Variants in TERT observed in about 807,000 individuals in gnomAD.
The protein encoded by TERT is telomerase catalytic subunit.
TERT carries 42 observed loss-of-function variants against 104.0 expected under a neutral mutation model. The observed-to-expected ratio is 0.40, with a 90% CI of 0.32 to 0.52. The LOEUF (loss-of-function observed/expected upper bound fraction) is 0.52. TERT is among the 20% of genes least tolerant of loss of function. TERT has a pLI of 0.43. For missense variants in TERT, 1,101 were observed against 1,610.3 expected, an observed-to-expected ratio of 0.68 and a Z score of 5.41; for synonymous variants, 781 against 725.6, an observed-to-expected ratio of 1.08 and a Z score of -1.23.
At chr5:1,272,439 G>A (rs1277818876) in intron 6 of TERT, among the ~76,000 whole-genome samples, 159 bp from the exon 7 acceptor site, 3 of 151,986 alleles carry the variant, frequency 2.0e-5, no homozygotes, top group African/African-American at 4.8e-5. Context: ...GGAAACGGGG[G>A]CCGGGGGGCC....
intron 6 of TERT, among the ~76,000 whole-genome samples, chr5:1,277,524 G>C (rs1454231564): frequency 6.6e-6 from 1 of 151,588 alleles, no homozygotes; most frequent in Non-Finnish European, 1.5e-5. Context: ...CTCACATGGA[G>C]ACCGGGAGAG....
In TERT at chr5:1,292,098, T is replaced by C. The variant is rs1339017579; in HGVS notation, c.1573+1215A>G. 6.6e-6 allele frequency among the ~76,000 whole-genome samples: 1 copy of C among 151,992 alleles called. No individual in the cohort carries two copies. The highest frequency in any genetic ancestry group is 1.5e-5 in the Non-Finnish European group (1 of 68,002). On this transcript the variant is annotated intron_variant, in intron 2 of 15. Coordinates refer to ENST00000310581, the MANE Select transcript of TERT (RefSeq NM_198253.3). The surrounding 1 kb of genome is among the most constrained non-coding windows in gnomAD (Gnocchi z 5.5). Reference sequence around the variant, plus strand: ...AACGGTGTTAGGAGTGCCAATCTCATGTTATATGACTTTTGCCACCATAAA... The same window carrying C: ...AACGGTGTTAGGAGTGCCAATCTCACGTTATATGACTTTTGCCACCATAAA...
chr5:1,295,026 C>G lies in TERT; in HGVS notation c.-37G>C. 6 of 1,243,182 alleles carry G rather than the reference C, an allele frequency of 4.8e-6. No homozygotes were observed. Among genetic ancestry groups the G allele is most frequent in the Non-Finnish European group, 6.1e-6 (6 of 983,654 alleles). The allele number at this position is 1,243,182 out of a possible 1,614,324, so 77.0% of individuals were successfully genotyped here. ...CCGGGGCCAGGGCTTCCCACGTGCG[C>G]AGCAGGACGCAGCGCTGCCTGAAAC... On this transcript the variant is annotated 5_prime_UTR_variant, in exon 1 of 16. Coordinates refer to ENST00000310581, the MANE Select transcript of TERT (RefSeq NM_198253.3).
rs376797389 is a variant in TERT, at chr5:1,286,981, A to G, written c.1574-4357T>C. Among the ~76,000 whole-genome samples the G allele has an allele frequency of 2.6e-5, 4 of 152,196 alleles. No individual in the cohort carries two copies. Among genetic ancestry groups the G allele is most frequent in the African/African-American group, 9.7e-5 (4 of 41,446 alleles). On this transcript the variant is annotated intron_variant, in intron 2 of 15. Coordinates refer to ENST00000310581, the MANE Select transcript of TERT (RefSeq NM_198253.3). The surrounding 1 kb of genome is among the most constrained non-coding windows in gnomAD (Gnocchi z 5.3). ...ACCAGGAGGCAACGAGAGGATCAAC[A>G]CACACTCGGCAGGAAACGCACATGG...
intron 4 of TERT, among the ~76,000 whole-genome samples, chr5:1,279,829 G>C (rs570808113): frequency 6.6e-6 from 1 of 152,190 alleles, no homozygotes; most frequent in African/African-American, 2.4e-5. Flanking sequence ...CCCGGGCCCC[G>C]TAAGCGGAAG....
intron 3 of TERT, among the ~76,000 whole-genome samples, 192 bp downstream of exon 3, chr5:1,282,237 G>A (rs1310309323): frequency 1.3e-5 from 2 of 152,238 alleles, no homozygotes; most frequent in Non-Finnish European, 2.9e-5. Flanking sequence ...TTACAAGTAA[G>A]AGAACGTGAG....
intron 6 of TERT, 109 bp from the exon 7 acceptor site, chr5:1,272,389 C>T (rs551687110): frequency 1.6e-4 from 157 of 1,008,882 alleles, no homozygotes; most frequent in South Asian, 2.7e-4. Flanking sequence ...AGCCCGATGG[C>T]GGGATGAAGC....
chr5:1,290,110 C>A (rs1579591123), intron 2 of TERT, among the ~76,000 whole-genome samples: 1 of 70,100 alleles, frequency 1.4e-5, no homozygotes, highest in Admixed American at 1.2e-4. Context: ...ACTCACCCTG[C>A]ACGTGACAGG....
rs1023843762 is a variant in TERT at position 1,265,641 on chromosome 5, C to A, written c.2654+823G>T. On this transcript the variant is annotated intron_variant, in intron 10 of 15. Coordinates refer to ENST00000310581, the MANE Select transcript of TERT (RefSeq NM_198253.3). This position sits in a 1 kb window ranked among gnomAD's most constrained non-coding sequence, Gnocchi z 6.9. ...CGCCAGGCATACCCCCAGCCCAGGGCGGCCCTGGAGGGTGGACCTGGAGGG... is the reference window on the plus strand; with the variant it reads ...CGCCAGGCATACCCCCAGCCCAGGGAGGCCCTGGAGGGTGGACCTGGAGGG... Among the ~76,000 whole-genome samples the A allele has an allele frequency of 2.6e-5, 4 of 151,998 alleles. No homozygotes were observed. Among genetic ancestry groups the A allele is most frequent in the Admixed American group, 2.6e-4 (4 of 15,268 alleles).
At position 1,256,299 on chromosome 5, in the gene TERT, C is replaced by A. The variant is rs1747724428; in HGVS notation, c.3033-888G>T. 6.6e-6 allele frequency among the ~76,000 whole-genome samples: 1 copy of A among 152,150 alleles called. No individual in the cohort carries two copies. The highest frequency in any genetic ancestry group is 2.1e-4 in the South Asian group (1 of 4,810). ...AAAGTGCTGGGACTACAGGTGTGAG[C>A]CACCGCGCCAGCCCTGTCAGCCTCC... On this transcript the variant is annotated intron_variant, in intron 13 of 15. Transcript: ENST00000310581. This position sits in a 1 kb window ranked among gnomAD's most constrained non-coding sequence, Gnocchi z 7.0.
In TERT at chr5:1,265,216, T is replaced by C. The variant is rs916769293; in HGVS notation, c.2655-624A>G. On this transcript the variant is annotated intron_variant, in intron 10 of 15. Coordinates refer to ENST00000310581, the MANE Select transcript of TERT (RefSeq NM_198253.3). The surrounding 1 kb of genome is among the most constrained non-coding windows in gnomAD (Gnocchi z 6.9). ...CCCCCCTGTGCCCGGTAGCCTCTGCTCTGGCCTGGGCATCCCCTTCCCTTC... is the reference window on the plus strand; with the variant it reads ...CCCCCCTGTGCCCGGTAGCCTCTGCCCTGGCCTGGGCATCCCCTTCCCTTC... Among the ~76,000 whole-genome samples the C allele has an allele frequency of 6.6e-6, 1 of 152,064 alleles. No individual in the cohort carries two copies. The highest frequency in any genetic ancestry group is 2.4e-5 in the African/African-American group (1 of 41,398).
At chr5:1,289,285 C>A (rs1750703755) in intron 2 of TERT, among the ~76,000 whole-genome samples, 2 of 142,916 alleles carry the variant, frequency 1.4e-5, no homozygotes, top group South Asian at 2.3e-4. Flanking sequence ...GAGAGGGACA[C>A]CCAGGGACGG....
intron 14 of TERT, 50 bp from the exon 15 acceptor site, chr5:1,254,555 C>T (rs918408812): frequency 1.3e-6 from 2 of 1,571,310 alleles, no homozygotes; most frequent in Non-Finnish European, 1.7e-6. Context: ...CAGCTCCCCT[C>T]CCAGGAGACA....
Position 1,268,735 on chromosome 5 carries a change from C to T in TERT, c.2469-102G>A, listed in dbSNP as rs764952566. Reference sequence around the variant, plus strand: ...AGACACAGAACCTCATACACACAAACGACACGTCTACCATTCAGCCGGCAA... The same window carrying T: ...AGACACAGAACCTCATACACACAAATGACACGTCTACCATTCAGCCGGCAA... On this transcript the variant is annotated intron_variant, in intron 8 of 15. Transcript: ENST00000310581. This position sits in a 1 kb window ranked among gnomAD's most constrained non-coding sequence, Gnocchi z 5.5. 7 of 747,656 alleles carry T rather than the reference C, an allele frequency of 9.4e-6. No homozygotes were observed. Among genetic ancestry groups the T allele is most frequent in the African/African-American group, 3.5e-5 (2 of 57,592 alleles). 46.3% of individuals were successfully genotyped at this position (747,656 alleles called of 1,614,324 possible). A position where few individuals can be genotyped will look rare whatever the true frequency, so the allele number is the denominator to read the frequency against.
chr5:1,271,038 G>A (rs1445861250), intron 8 of TERT, 81 bp downstream of exon 8: 1 of 1,143,256 alleles, frequency 8.7e-7, no homozygotes, highest in Non-Finnish European at 1.3e-6. Flanking sequence ...CAGTGGGGAA[G>A]GGGCAGGAGA....
chr5:1,274,618 T>C lies in TERT; in HGVS notation c.2287-2338A>G, dbSNP rs1457560930. Among the ~76,000 whole-genome samples the C allele has an allele frequency of 1.3e-5, 2 of 152,176 alleles. No individual in the cohort carries two copies. Among genetic ancestry groups the C allele is most frequent in the East Asian group, 3.9e-4 (2 of 5,178 alleles). On this transcript the variant is annotated intron_variant, in intron 6 of 15. Coordinates refer to ENST00000310581, the MANE Select transcript of TERT (RefSeq NM_198253.3). The surrounding 1 kb of genome is among the most constrained non-coding windows in gnomAD (Gnocchi z 5.3). Reference sequence around the variant, plus strand: ...GTTCTCAGTAGGGTGTGTGCGCCTCTGAGCACCGCATGCCACTGCTGATCT... The same window carrying C: ...GTTCTCAGTAGGGTGTGTGCGCCTCCGAGCACCGCATGCCACTGCTGATCT...
rs1203429554 is a variant in TERT at position 1,276,047 on chromosome 5, C to T, written c.2286+2594G>A. On this transcript the variant is annotated intron_variant, in intron 6 of 15. Coordinates refer to ENST00000310581, the MANE Select transcript of TERT (RefSeq NM_198253.3). Reference sequence around the variant, plus strand: ...AACCAATCCCACAGATCCCCACCTACCCCACACATGAAAACCAATCCCACA... The same window carrying T: ...AACCAATCCCACAGATCCCCACCTATCCCACACATGAAAACCAATCCCACA... Among the ~76,000 whole-genome samples the T allele has an allele frequency of 2.4e-3, 335 of 142,292 alleles. 1 individual carries two copies. The highest frequency in any genetic ancestry group is 8.3e-3 in the African/African-American group (308 of 37,194). 93.3% of individuals were successfully genotyped at this position (142,292 alleles called of 152,430 possible). A position where few individuals can be genotyped will look rare whatever the true frequency, so the allele number is the denominator to read the frequency against.
chr5:1,255,194 A>AG lies in TERT; in HGVS notation c.3157+92dup, dbSNP rs1747628998. The AG allele has an allele frequency of 6.6e-7, 1 of 1,525,380 alleles. No individual in the cohort carries two copies. Among genetic ancestry groups the AG allele is most frequent in the South Asian group, 1.2e-5 (1 of 84,616 alleles). 94.5% of individuals were successfully genotyped at this position (1,525,380 alleles called of 1,614,324 possible). On this transcript the variant is annotated intron_variant, in intron 14 of 15. Transcript: ENST00000310581. This position sits in a 1 kb window ranked among gnomAD's most constrained non-coding sequence, Gnocchi z 6.9. ...CCACTTCCTGATGCGAAAAGGGGTA[A>AG]GAACTTCCTAAGCCCAGATTCACTC...
chr5:1,284,460 C>T (rs1469455274), intron 2 of TERT, among the ~76,000 whole-genome samples: 1 of 110,992 alleles, frequency 9.0e-6, no homozygotes, highest in Non-Finnish European at 2.0e-5. Context: ...CACCCCGGAC[C>T]GGCACCATCC....
Sources: allele counts gnomAD v4.1 joint callset (sites outside exome capture counted in the v4.1 genomes callset), GRCh38; gene constraint gnomAD v4.1.1; non-coding constraint Gnocchi (gnomAD v3.1); transcripts MANE v1.5; gene names NCBI Gene and HGNC (gene_info 2026-07-23, HGNC 2026-07-21).